Variants in CDH20 observed in about 807,000 individuals in gnomAD.
CDH20 encodes cadherin-20.
A neutral mutation model predicts 74.2 loss-of-function variants in CDH20; 29 were observed. That is an observed-to-expected ratio of 0.39 (90% confidence interval 0.29 to 0.53). The LOEUF (loss-of-function observed/expected upper bound fraction) is 0.53. Among genes scored for constraint, CDH20 ranks in the 20% least tolerant of loss-of-function variants. CDH20 has a pLI of 0.69. For synonymous variants in CDH20, 469 were observed against 405.4 expected, an observed-to-expected ratio of 1.16 and a Z score of -1.88; for missense variants, 988 against 1,048.3, an observed-to-expected ratio of 0.94 and a Z score of 0.79.
At chr18:61,404,775 T>C (rs1912272526) in intron 1 of CDH20, 2 of 328,086 alleles carry the variant, frequency 6.1e-6, no homozygotes, top group Non-Finnish European at 1.1e-5. Flanking sequence ...GAACATTTGT[T>C]TAATTAAAAA....
At chr18:61,395,613 G>A (rs1911937565) in intron 1 of CDH20, among the ~76,000 whole-genome samples, 1 of 152,022 alleles carries the variant, frequency 6.6e-6, no homozygotes, top group Non-Finnish European at 1.5e-5. Context: ...TCCAACTTCT[G>A]AAATTAAAAA....
At chr18:61,474,251 T>C (rs1273933810) in intron 1 of CDH20, among the ~76,000 whole-genome samples, 4 of 152,348 alleles carry the variant, frequency 2.6e-5, no homozygotes, top group Admixed American at 6.5e-5. Flanking sequence ...AAATTTCTTC[T>C]GCCACTGATT....
At chr18:61,484,614 T>C (rs777407589) in intron 1 of CDH20, among the ~76,000 whole-genome samples, 1 of 152,104 alleles carries the variant, frequency 6.6e-6, no homozygotes, top group Non-Finnish European at 1.5e-5. Flanking sequence ...AATTCATAGC[T>C]AGAGGGTCAG....
In CDH20 at chr18:61,555,579, C is replaced by T; in HGVS notation, c.*884C>T. 2.0e-6 allele frequency: 2 copies of T among 985,142 alleles called. No homozygotes were observed. The highest frequency in any genetic ancestry group is 4.7e-5 in the South Asian group (1 of 21,288). The allele number at this position is 985,142 out of a possible 1,614,324, so 61.0% of individuals were successfully genotyped here. On this transcript the variant is annotated 3_prime_UTR_variant, in exon 12 of 12. Coordinates refer to ENST00000262717, the MANE Select transcript of CDH20 (RefSeq NM_031891.4). ...GCATGGGTTAGAGGGCTTTCCTAAT[C>T]TGTGTGAGGTCAATCCAAGGGATGT...
At chr18:61,401,127 T>C (rs1318765095) in intron 1 of CDH20, among the ~76,000 whole-genome samples, 1 of 152,236 alleles carries the variant, frequency 6.6e-6, no homozygotes, top group African/African-American at 2.4e-5. Context: ...TATCTTGGAA[T>C]GAGAAGAGGC....
At chr18:61,372,623 A>G (rs1254565236) in intron 1 of CDH20, among the ~76,000 whole-genome samples, 4 of 152,132 alleles carry the variant, frequency 2.6e-5, no homozygotes, top group African/African-American at 9.7e-5. Flanking sequence ...TGGGAAAAAA[A>G]TCAAAAGAAG....
At chr18:61,400,561 A>C (rs1013071064) in intron 1 of CDH20, among the ~76,000 whole-genome samples, 1 of 152,186 alleles carries the variant, frequency 6.6e-6, no homozygotes, top group East Asian at 1.9e-4. Flanking sequence ...ACCACAGTGT[A>C]ATTTCTGTAG....
chr18:61,539,478 A>T (rs938026014), intron 9 of CDH20, among the ~76,000 whole-genome samples: 2 of 152,206 alleles, frequency 1.3e-5, no homozygotes, highest in East Asian at 3.9e-4. Flanking sequence ...TGGAACCTAC[A>T]TTACCTTTTA....
Position 61,545,044 on chromosome 18 carries a change from T to C in CDH20, c.1548T>C (p.Ser516=), listed in dbSNP as rs1913188952. ...TCCCTCAGCTGATCCAGACAGTGAG[T>C]GCGGTGGACCAAGATGACCCACGCA... ...AKAGQLIQTV[S]AVDQDDPRNG... Residue 516 remains serine, a synonymous_variant, in exon 10 of 12, where the codon AGT becomes AGC. Coordinates refer to ENST00000262717, the MANE Select transcript of CDH20 (RefSeq NM_031891.4). The C allele has an allele frequency of 1.2e-6, 2 of 1,613,120 alleles. No homozygotes were observed. Among genetic ancestry groups the C allele is most frequent in the Admixed American group, 1.7e-5 (1 of 60,014 alleles).
At chr18:61,517,507 C>T (rs887026925) in intron 6 of CDH20, among the ~76,000 whole-genome samples, 5 of 152,146 alleles carry the variant, frequency 3.3e-5, no homozygotes, top group Admixed American at 2.6e-4. Context: ...CTCTCCTAGC[C>T]AGGGGAAGCC....
intron 1 of CDH20, among the ~76,000 whole-genome samples, chr18:61,403,843 A>G (rs1361180997): frequency 6.6e-6 from 1 of 152,238 alleles, no homozygotes; most frequent in East Asian, 1.9e-4. Context: ...ACCATAGCAC[A>G]TTAATGACAG....
chr18:61,514,782 G>A (rs1434332909), intron 6 of CDH20, among the ~76,000 whole-genome samples: 8 of 147,796 alleles, frequency 5.4e-5, no homozygotes, highest in South Asian at 2.2e-4. Flanking sequence ...GTGTGCCTCT[G>A]CTGGGGGGTG....
chr18:61,488,408 TTATC>T (rs1293960153), intron 1 of CDH20, among the ~76,000 whole-genome samples: 1 of 152,152 alleles, frequency 6.6e-6, no homozygotes, highest in Non-Finnish European at 1.5e-5. Flanking sequence ...CCCAGGTACT[TTATC>T]TGACTGTTCA....
At chr18:61,356,190 T>C (rs951651999) in intron 1 of CDH20, among the ~76,000 whole-genome samples, 2 of 152,226 alleles carry the variant, frequency 1.3e-5, no homozygotes, top group Non-Finnish European at 1.5e-5. Context: ...GAAAATACAG[T>C]TCTAAATTAT....
chr18:61,525,712 CA>C (rs916591449), intron 6 of CDH20, among the ~76,000 whole-genome samples: 32 of 151,504 alleles, frequency 2.1e-4, no homozygotes, highest in African/African-American at 7.0e-4. Flanking sequence ...AGCAACAAAA[CA>C]AAAAAAACTT....
chr18:61,464,202 C>T (rs1909881350), intron 1 of CDH20, among the ~76,000 whole-genome samples: 1 of 151,808 alleles, frequency 6.6e-6, no homozygotes. Context: ...TCATTATATG[C>T]TTTATGTAAG....
At chr18:61,474,747 G>C (rs1176321761) in intron 1 of CDH20, among the ~76,000 whole-genome samples, 3 of 152,162 alleles carry the variant, frequency 2.0e-5, no homozygotes, top group Non-Finnish European at 2.9e-5. Flanking sequence ...TTGCAGGCTA[G>C]CATGAAAAGC....
At chr18:61,366,074 C>A (rs1321317057) in intron 1 of CDH20, among the ~76,000 whole-genome samples, 1 of 152,122 alleles carries the variant, frequency 6.6e-6, no homozygotes, top group Admixed American at 6.5e-5. Context: ...CATAATAATT[C>A]ATAAATATAG....
chr18:61,538,631 T>TTTTTTTG (rs1599155936), intron 8 of CDH20, among the ~76,000 whole-genome samples: 1 of 120,672 alleles, frequency 8.3e-6, no homozygotes, highest in African/African-American at 2.9e-5. Flanking sequence ...TTTTGTTTTT[T>TTTTTTTG]TTTTTGAGAC....
Sources: allele counts gnomAD v4.1 joint callset (sites outside exome capture counted in the v4.1 genomes callset), GRCh38; gene constraint gnomAD v4.1.1; transcripts MANE v1.5; gene names NCBI Gene and HGNC (gene_info 2026-07-23, HGNC 2026-07-21).